GALNT2: variants seen among roughly 807,000 people sequenced by gnomAD.
GALNT2 encodes the protein polypeptide N-acetylgalactosaminyltransferase 2.
In GALNT2, 31 loss-of-function variants were observed where a neutral mutation model predicts 81.4. That is an observed-to-expected ratio of 0.38 (90% CI 0.29 to 0.51). The LOEUF is 0.51. GALNT2 is among the 20% of genes least tolerant of loss of function. GALNT2 has a pLI of 0.87. For synonymous variants in GALNT2, 303 were observed against 287.4 expected, an observed-to-expected ratio of 1.05 and a Z score of -0.55; for missense variants, 629 against 765.7, an observed-to-expected ratio of 0.82 and a Z score of 2.11.
Position 230,280,351 on chromosome 1 carries a change from CT to C in GALNT2, c.*895del. ...GTCCCTACTGTGCGTCAGAATCCACCTTGCGTGCTGTGCGTATCTGTGAACC... is the reference window on the plus strand; with the variant it reads ...GTCCCTACTGTGCGTCAGAATCCACCTGCGTGCTGTGCGTATCTGTGAACC... On this transcript the variant is annotated 3_prime_UTR_variant, in exon 16 of 16. Transcript: ENST00000366672. 1 of 263,580 alleles carries C rather than the reference CT, an allele frequency of 3.8e-6. No homozygotes were observed. The highest frequency in any genetic ancestry group is 7.6e-6 in the Non-Finnish European group (1 of 131,654). The allele number at this position is 263,580 out of a possible 1,614,324, so 16.3% of individuals were successfully genotyped here. A position where few individuals can be genotyped will look rare whatever the true frequency, so the allele number is the denominator to read the frequency against.
intron 6 of GALNT2, among the ~76,000 whole-genome samples, chr1:230,239,918 A>G (rs1665148028): frequency 6.6e-6 from 1 of 152,156 alleles, no homozygotes; most frequent in African/African-American, 2.4e-5. Flanking sequence ...TACCACTTTA[A>G]ATTTAAGAAT....
At chr1:230,179,703 A>G (rs1363829687) in intron 2 of GALNT2, among the ~76,000 whole-genome samples, 4 of 152,090 alleles carry the variant, frequency 2.6e-5, no homozygotes, top group African/African-American at 9.7e-5. Flanking sequence ...ATCGTCCTTT[A>G]TCAGATATGG....
chr1:230,136,135 CA>C (rs1472674858), intron 1 of GALNT2, among the ~76,000 whole-genome samples: 1 of 152,196 alleles, frequency 6.6e-6, no homozygotes, highest in Non-Finnish European at 1.5e-5. Context: ...GGCACTTAGT[CA>C]GCGTCACCTC....
At chr1:230,142,880 T>G (rs1005835056) in intron 1 of GALNT2, among the ~76,000 whole-genome samples, 1 of 152,208 alleles carries the variant, frequency 6.6e-6, no homozygotes, top group Non-Finnish European at 1.5e-5. Flanking sequence ...AGATGCTCTC[T>G]ATGTGAGAAT....
intron 1 of GALNT2, among the ~76,000 whole-genome samples, chr1:230,160,472 G>A (rs569420948): frequency 5.9e-5 from 9 of 152,126 alleles, no homozygotes; most frequent in Non-Finnish European, 1.3e-4. Flanking sequence ...TCAGATGTGG[G>A]AGGCCAAGGC....
intron 14 of GALNT2, among the ~76,000 whole-genome samples, chr1:230,272,664 C>G (rs1319350295): frequency 6.6e-6 from 1 of 152,122 alleles, no homozygotes; most frequent in African/African-American, 2.4e-5. Context: ...CCTCTGCATC[C>G]CCTCTGCTGA....
chr1:230,237,074 C>G (rs1431710921), intron 6 of GALNT2, among the ~76,000 whole-genome samples: 1 of 152,212 alleles, frequency 6.6e-6, no homozygotes, highest in Non-Finnish European at 1.5e-5. Context: ...ACTCCATGCT[C>G]CAGGCATCTG....
At chr1:230,111,605 T>A (rs902941795) in intron 1 of GALNT2, among the ~76,000 whole-genome samples, 1 of 152,392 alleles carries the variant, frequency 6.6e-6, no homozygotes, top group Middle Eastern at 3.4e-3. Context: ...ATTTTCACTC[T>A]TTTAAATCCC....
chr1:230,065,806 C>G (rs1282450645), upstream of GALNT2, among the ~76,000 whole-genome samples: 4 of 152,158 alleles, frequency 2.6e-5, no homozygotes, highest in African/African-American at 9.7e-5. Context: ...CCTTCATTGT[C>G]AGGCCTCTGA....
chr1:230,156,594 A>T (rs1662264681), intron 1 of GALNT2, among the ~76,000 whole-genome samples: 1 of 152,096 alleles, frequency 6.6e-6, no homozygotes, highest in African/African-American at 2.4e-5. Flanking sequence ...GGATCAATTT[A>T]TTTTTTTGGC....
At chr1:230,067,520 C>T (rs919015910) in intron 1 of GALNT2, 114 bp downstream of exon 1, 5 of 340,494 alleles carry the variant, frequency 1.5e-5, no homozygotes, top group African/African-American at 8.9e-5. Context: ...CCTCCGCTCG[C>T]GTCGCCCGCC....
chr1:230,214,021 A>G (rs1664310491), intron 3 of GALNT2, among the ~76,000 whole-genome samples: 1 of 151,894 alleles, frequency 6.6e-6, no homozygotes, highest in Non-Finnish European at 1.5e-5. Flanking sequence ...ACCTAAGACC[A>G]TATTCCTTCT....
chr1:230,180,725 T>C (rs1663133509), intron 2 of GALNT2, among the ~76,000 whole-genome samples: 1 of 152,200 alleles, frequency 6.6e-6, no homozygotes, highest in African/African-American at 2.4e-5. Flanking sequence ...TTTGACCATA[T>C]TGTCTTACTC....
chr1:230,246,438 C>A (rs1453508142), intron 8 of GALNT2, among the ~76,000 whole-genome samples: 2 of 152,180 alleles, frequency 1.3e-5, no homozygotes, highest in Non-Finnish European at 2.9e-5. Context: ...TCCTTTATGA[C>A]CAGAGATGAT....
In GALNT2 at chr1:230,163,773, A is replaced by G. The variant is rs530925515; in HGVS notation, c.127-14445A>G. 2.0e-5 allele frequency among the ~76,000 whole-genome samples: 3 copies of G among 152,364 alleles called. No homozygotes were observed. The South Asian group carries it at 6.2e-4, about 32-fold the overall frequency. On this transcript the variant is annotated intron_variant, in intron 1 of 15. Transcript: ENST00000366672. Reference sequence around the variant, plus strand: ...AATTACTGTTTTCTGAAGTTGGACCAGGGAAGCTAAGAGGAAAGAGGGACA... The same window carrying G: ...AATTACTGTTTTCTGAAGTTGGACCGGGGAAGCTAAGAGGAAAGAGGGACA...
chr1:230,242,394 G>A (rs1665228093), intron 6 of GALNT2, among the ~76,000 whole-genome samples: 1 of 152,106 alleles, frequency 6.6e-6, no homozygotes, highest in African/African-American at 2.4e-5. Flanking sequence ...CATTTTGACT[G>A]TGGAAAAAAG....
rs1423852167 is a variant in GALNT2, at chr1:230,280,112, TC to T, written c.*655del. ...GTCAGTTCCCTATGGTTTCTGTAGA[TC>T]ATCGTCATCTTGTATATTCCCCACA... is the stretch of plus-strand genomic sequence containing the variant. On this transcript the variant is annotated 3_prime_UTR_variant, in exon 16 of 16. Transcript: ENST00000366672. 4.0e-5 allele frequency: 17 copies of T among 421,002 alleles called. No homozygotes were observed. The highest frequency in any genetic ancestry group is 8.2e-5 in the Non-Finnish European group (17 of 207,542). The allele number at this position is 421,002 out of a possible 1,614,324, so 26.1% of individuals were successfully genotyped here.
At position 230,122,388 on chromosome 1, in the gene GALNT2, A is replaced by G. The variant is rs113316213; in HGVS notation, c.126+54982A>G. Among the ~76,000 whole-genome samples, 631 of 152,168 alleles carry G rather than the reference A, an allele frequency of 4.1e-3. 1 individual carries two copies. The highest frequency in any genetic ancestry group is 0.01 in the Middle Eastern group (3 of 294). On this transcript the variant is annotated intron_variant, in intron 1 of 15. Coordinates refer to ENST00000366672, the MANE Select transcript of GALNT2 (RefSeq NM_004481.5). ...TAAATCCCAAGCCCTGAGGCCTCCA[A>G]ATCAGTGGCTGCTCCGCTGCTCCTC...
At chr1:230,074,618 A>T (rs6684422) in intron 1 of GALNT2, among the ~76,000 whole-genome samples, 139,581 of 152,276 alleles carry the variant, frequency 0.92, 64,052 homozygotes, top group Admixed American at 0.95. Flanking sequence ...TGTCTGAGCC[A>T]TTATGGTTAG....
Sources: allele counts gnomAD v4.1 joint callset (sites outside exome capture counted in the v4.1 genomes callset), GRCh38; gene constraint gnomAD v4.1.1; transcripts MANE v1.5; gene names NCBI Gene and HGNC (gene_info 2026-07-23, HGNC 2026-07-21).